Variants in MROH1 observed in about 807,000 individuals in gnomAD.
MROH1 encodes maestro heat-like repeat-containing protein family member 1.
Under a neutral mutation model 116.5 loss-of-function variants are expected in MROH1, and 117 were observed. That is an observed-to-expected ratio of 1.00 (90% CI 0.86 to 1.17). The LOEUF (loss-of-function observed/expected upper bound fraction) is 1.17, where lower values mean the gene tolerates loss of function less well. MROH1 is among the 50% of genes most tolerant of loss of function. The pLI is 0.00. For missense variants in MROH1, 1,873 were observed against 1,338.5 expected (o/e 1.40, Z -6.23); for synonymous variants, 921 against 583.9 (o/e 1.58, Z -8.32).
At chr8:144,205,592 G>A (rs932136703) in intron 12 of MROH1, among the ~76,000 whole-genome samples, 1 of 151,918 alleles carries the variant, frequency 6.6e-6, no homozygotes. Flanking sequence ...AAATTTTACT[G>A]TGTCTCAGTG....
At chr8:144,228,831 T>C (rs904942852) in intron 14 of MROH1, among the ~76,000 whole-genome samples, 1 of 152,336 alleles carries the variant, frequency 6.6e-6, no homozygotes, top group Non-Finnish European at 1.5e-5. Context: ...ACAAAACTTT[T>C]CTATGTCTTA....
chr8:144,184,296 G>C, intron 7 of MROH1, among the ~76,000 whole-genome samples: 1 of 152,176 alleles, frequency 6.6e-6, no homozygotes, highest in Admixed American at 6.5e-5. Flanking sequence ...CTGGCCGGGG[G>C]GTGTGGCCGT....
chr8:144,219,009 G>GTT (rs1290840365), intron 12 of MROH1, among the ~76,000 whole-genome samples: 5 of 132,502 alleles, frequency 3.8e-5, no homozygotes, highest in Admixed American at 1.5e-4. Context: ...TAATTTTTGT[G>GTT]TTTTTTTTTG....
chr8:144,258,995 C>T (rs1042355884), intron 36 of MROH1, 81 bp downstream of exon 36: 123 of 653,632 alleles, frequency 1.9e-4, no homozygotes, highest in African/African-American at 1.5e-3. Context: ...CAGGATCAGG[C>T]GGGGGCCCAT....
intron 14 of MROH1, among the ~76,000 whole-genome samples, chr8:144,226,732 C>T (rs1357187358): frequency 1.3e-5 from 2 of 152,210 alleles, no homozygotes; most frequent in Non-Finnish European, 2.9e-5. Context: ...GGATTACAGG[C>T]GTGAGCCACC....
rs756200567 is a variant in MROH1, at chr8:144,190,984, C to T, written c.714+49C>T. The T allele has an allele frequency of 1.3e-5, 21 of 1,563,024 alleles. No individual in the cohort carries two copies. In the Admixed American group the frequency reaches 2.9e-4, roughly 21 times the overall value. Reference sequence around the variant, plus strand: ...CCACGCCTGATGCCAGGGCTCTCTCCTCCCCACATTCCCTGCCCGTGGCAA... The same window carrying T: ...CCACGCCTGATGCCAGGGCTCTCTCTTCCCCACATTCCCTGCCCGTGGCAA... On this transcript the variant is annotated intron_variant, in intron 8 of 43. Coordinates refer to ENST00000326134, the MANE Select transcript of MROH1 (RefSeq NM_032450.3).
intron 12 of MROH1, among the ~76,000 whole-genome samples, chr8:144,207,816 A>G (rs1344778718): frequency 6.6e-6 from 1 of 152,186 alleles, no homozygotes; most frequent in Non-Finnish European, 1.5e-5. Context: ...GAAGTCATGA[A>G]GATATTCTTC....
chr8:144,170,118 C>T (rs2131052886), intron 4 of MROH1, among the ~76,000 whole-genome samples: 1 of 152,334 alleles, frequency 6.6e-6, no homozygotes, highest in Non-Finnish European at 1.5e-5. Flanking sequence ...CAGGCGTGAG[C>T]CACTACCTGG....
chr8:144,179,443 G>C lies in MROH1; in HGVS notation c.169-12G>C. ...CTCACCTGGGACCGACCTGGACGGT[G>C]TCTCTCCGCAGCTGGCACACCCATA... On this transcript the variant is annotated splice_polypyrimidine_tract_variant and intron_variant, in intron 4 of 43. Transcript: ENST00000326134. The C allele has an allele frequency of 3.1e-6, 5 of 1,612,950 alleles. No individual in the cohort carries two copies. Among genetic ancestry groups the C allele is most frequent in the Non-Finnish European group, 4.2e-6 (5 of 1,179,516 alleles).
intron 9 of MROH1, 25 bp downstream of exon 9, chr8:144,191,880 C>T (rs1241932899): frequency 2.5e-6 from 4 of 1,612,026 alleles, no homozygotes; most frequent in African/African-American, 1.3e-5. Context: ...GGCAGGTCTA[C>T]TGTCCCCGAG....
chr8:144,236,308 G>T (rs1210524826), intron 14 of MROH1, among the ~76,000 whole-genome samples: 1 of 152,172 alleles, frequency 6.6e-6, no homozygotes, highest in Non-Finnish European at 1.5e-5. Context: ...GTTTGTTTCA[G>T]TGTTGATCTT....
chr8:144,215,359 C>T (rs571049776), intron 12 of MROH1, among the ~76,000 whole-genome samples: 10 of 152,274 alleles, frequency 6.6e-5, no homozygotes, highest in Admixed American at 2.0e-4. Context: ...GGTGAGTGTG[C>T]GATGGGCTTA....
intron 26 of MROH1, 52 bp from the exon 27 acceptor site, chr8:144,244,170 T>C (rs1841487678): frequency 1.4e-6 from 1 of 712,102 alleles, no homozygotes; most frequent in African/African-American, 1.7e-5. Context: ...TTACTGGGTG[T>C]CTGAGTTTCA....
At chr8:144,187,835 G>C (rs893990009) in intron 7 of MROH1, among the ~76,000 whole-genome samples, 4 of 152,218 alleles carry the variant, frequency 2.6e-5, no homozygotes, top group African/African-American at 9.6e-5. Context: ...TGCTCTTGCA[G>C]GGTTGCTGCA....
intron 4 of MROH1, among the ~76,000 whole-genome samples, 180 bp from the exon 5 acceptor site, chr8:144,179,275 T>TG (rs892307026): frequency 1.2e-4 from 18 of 152,064 alleles, no homozygotes; most frequent in African/African-American, 4.1e-4. Context: ...AGATGGGCCG[T>TG]GAGTGTGAGG....
intron 28 of MROH1, 148 bp downstream of exon 28, chr8:144,244,687 C>G: frequency 1.5e-6 from 1 of 662,276 alleles, no homozygotes; most frequent in South Asian, 1.7e-5. Context: ...GGCAGGTGCA[C>G]CCCCTCCCAT....
chr8:144,187,574 G>A (rs1229425453), intron 7 of MROH1, among the ~76,000 whole-genome samples: 1 of 152,216 alleles, frequency 6.6e-6, no homozygotes, highest in African/African-American at 2.4e-5. Context: ...GCTGTTGGAG[G>A]ATCAGCAGCT....
intron 4 of MROH1, among the ~76,000 whole-genome samples, chr8:144,173,651 CTCCTGACCTGA>C (rs1315201929): frequency 2.0e-5 from 3 of 152,090 alleles, no homozygotes; most frequent in Non-Finnish European, 4.4e-5. Flanking sequence ...TGGTCTCAAA[CTCCTGACCTGA>C]TCCACCCACC....
chr8:144,200,435 C>G lies in MROH1; in HGVS notation c.1035C>G (p.Ser345Arg). Residue 345 changes from serine (S) to arginine (R), a missense_variant, in exon 12 of 44, where the codon AGC (serine) becomes AGG (arginine). Coordinates refer to ENST00000326134, the MANE Select transcript of MROH1 (RefSeq NM_032450.3). ...VLRCFTVLAC[S>R]SPDRLLAFLL... ...GTACCCGTTGCCCTGTAGCCTGCAG[C>G]TCGCCTGACCGCCTACTGGCCTTCC... 3 of 1,549,042 alleles carry G rather than the reference C, an allele frequency of 1.9e-6. No individual in the cohort carries two copies. The highest frequency in any genetic ancestry group is 2.6e-6 in the Non-Finnish European group (3 of 1,146,438).
Sources: allele counts gnomAD v4.1 joint callset (sites outside exome capture counted in the v4.1 genomes callset), GRCh38; gene constraint gnomAD v4.1.1; transcripts MANE v1.5; gene names NCBI Gene and HGNC (gene_info 2026-07-23, HGNC 2026-07-21).